ADAM11: variants seen among roughly 807,000 people sequenced by gnomAD.
ADAM11 encodes ADAM metallopeptidase domain 11.
Under a neutral mutation model 119.1 loss-of-function variants are expected in ADAM11, and 49 were observed. The ratio of observed to expected loss-of-function variants is 0.41; its 90% confidence interval spans 0.33 to 0.52. ADAM11 has a LOEUF of 0.52. Ranked by LOEUF, ADAM11 falls within the 20% of genes least tolerant of loss-of-function variation. ADAM11 has a pLI of 0.20. For missense variants in ADAM11, 777 were observed against 1,047.5 expected (o/e 0.74, Z 3.56); for synonymous variants, 364 against 408.0 (o/e 0.89, Z 1.30).
At chr17:44,774,208 G>A in intron 11 of ADAM11, 87 bp from the exon 12 acceptor site, 4 of 827,838 alleles carry the variant, frequency 4.8e-6, no homozygotes, top group Non-Finnish European at 7.3e-6. Flanking sequence ...AAGGACTCTA[G>A]TGTGAGGGGC....
chr17:44,776,604 G>T lies in ADAM11; in HGVS notation c.1567-141G>T. 9.2e-7 allele frequency: 1 copy of T among 1,090,650 alleles called. No homozygotes were observed. The highest frequency in any genetic ancestry group is 1.3e-6 in the Non-Finnish European group (1 of 769,638). The allele number at this position is 1,090,650 out of a possible 1,614,324, so 67.6% of individuals were successfully genotyped here. On this transcript the variant is annotated intron_variant, in intron 18 of 26. Transcript: ENST00000200557. This position sits in a 1 kb window ranked among gnomAD's most constrained non-coding sequence, Gnocchi z 5.2. ...TGTGGTCTGGGTCCAGAACCAGACA[G>T]ATCGCTTGTCCTAGGCGTGGAAGAG...
chr17:44,764,395 G>T (rs540932736), intron 2 of ADAM11, among the ~76,000 whole-genome samples: 2 of 152,214 alleles, frequency 1.3e-5, no homozygotes, highest in Non-Finnish European at 2.9e-5. Context: ...CCACAGGGGG[G>T]CCAGGGTCTG....
intron 2 of ADAM11, among the ~76,000 whole-genome samples, chr17:44,769,514 C>T (rs1045408233): frequency 6.6e-6 from 1 of 152,254 alleles, no homozygotes; most frequent in African/African-American, 2.4e-5. Flanking sequence ...GGGCTGAGCA[C>T]TCCTGCCTCT....
intron 2 of ADAM11, among the ~76,000 whole-genome samples, chr17:44,769,365 C>T (rs751830169): frequency 1.3e-4 from 20 of 152,200 alleles, no homozygotes; most frequent in Non-Finnish European, 1.9e-4. Flanking sequence ...TGGTGGGGTG[C>T]CCCTCACCAG....
rs1244859444 is a variant in ADAM11, at chr17:44,772,750, T to G, written c.679-107T>G. On this transcript the variant is annotated intron_variant, in intron 8 of 26. Coordinates refer to ENST00000200557, the MANE Select transcript of ADAM11 (RefSeq NM_002390.6). The surrounding 1 kb of genome is among the most constrained non-coding windows in gnomAD (Gnocchi z 4.5). The stretch of plus-strand genomic sequence containing the variant: ...GCCAGTGGGGAGCTGGCACTGTCCC[T>G]GGCTGGAGTCCAGACCCCCCCATCC... 2.5e-5 allele frequency: 26 copies of G among 1,058,758 alleles called. No individual in the cohort carries two copies. The highest frequency in any genetic ancestry group is 3.7e-5 in the Non-Finnish European group (26 of 707,142). The allele number at this position is 1,058,758 out of a possible 1,614,324, so 65.6% of individuals were successfully genotyped here.
Position 44,772,790 on chromosome 17 carries a change from C to G in ADAM11, c.679-67C>G. ...CCCCCCCATCCCCACCGAGTCTGTTCCTGGCTTGGCCATGAGATCAGTCAG... is the reference window on the plus strand; with the variant it reads ...CCCCCCCATCCCCACCGAGTCTGTTGCTGGCTTGGCCATGAGATCAGTCAG... On this transcript the variant is annotated intron_variant, in intron 8 of 26. Coordinates refer to ENST00000200557, the MANE Select transcript of ADAM11 (RefSeq NM_002390.6). The surrounding 1 kb of genome is among the most constrained non-coding windows in gnomAD (Gnocchi z 4.5). 6.8e-7 allele frequency: 1 copy of G among 1,477,838 alleles called. No homozygotes were observed. The highest frequency in any genetic ancestry group is 1.2e-5 in the South Asian group (1 of 84,854). The allele number at this position is 1,477,838 out of a possible 1,614,324, so 91.5% of individuals were successfully genotyped here.
chr17:44,775,354 G>T lies in ADAM11; in HGVS notation c.1321-40G>T, dbSNP rs199688893. 26 of 1,613,118 alleles carry T rather than the reference G, an allele frequency of 1.6e-5. No homozygotes were observed. In the South Asian group the frequency reaches 2.4e-4, roughly 15 times the overall value. ...GGGAGCATGGGAGCGGGCCCTGGGCGGGGTCCGGGCCAGACTCCCGACCTG... is the reference window on the plus strand; with the variant it reads ...GGGAGCATGGGAGCGGGCCCTGGGCTGGGTCCGGGCCAGACTCCCGACCTG... On this transcript the variant is annotated intron_variant, in intron 15 of 26. Transcript: ENST00000200557. The surrounding 1 kb of genome is among the most constrained non-coding windows in gnomAD (Gnocchi z 7.5).
Position 44,775,772 on chromosome 17 carries a change from T to C in ADAM11, c.1485+96T>C. ...GGGAGCTAGGGAGGGAAGCGGAGCC[T>C]TCGGGGACGAAGGCCTCTGGGGCAG... On this transcript the variant is annotated intron_variant, in intron 17 of 26. Transcript: ENST00000200557. This position sits in a 1 kb window ranked among gnomAD's most constrained non-coding sequence, Gnocchi z 7.5. 1 of 1,321,370 alleles carries C rather than the reference T, an allele frequency of 7.6e-7. No homozygotes were observed. Among genetic ancestry groups the C allele is most frequent in the Non-Finnish European group, 1.0e-6 (1 of 974,026 alleles). 81.9% of individuals were successfully genotyped at this position (1,321,370 alleles called of 1,614,324 possible).
In ADAM11 at chr17:44,759,730, A is replaced by G. The variant is rs1256424043; in HGVS notation, c.70A>G (p.Thr24Ala). 2 of 1,323,486 alleles carry G rather than the reference A, an allele frequency of 1.5e-6. No individual in the cohort carries two copies. Among genetic ancestry groups the G allele is most frequent in the African/African-American group, 3.0e-5 (2 of 66,462 alleles). The allele number at this position is 1,323,486 out of a possible 1,614,324, so 82.0% of individuals were successfully genotyped here. A position where few individuals can be genotyped will look rare whatever the true frequency, so the allele number is the denominator to read the frequency against. ...TGGCCTTGTTTCCCCAGGTCTTGGG[A>G]CCCAAGGTCCTGCTGGAGCTCTGCG... ...LSLLPTPGLG[T>A]QGPAGALRWG... Residue 24 changes from threonine to alanine, a missense_variant, in exon 2 of 27, where the codon ACC becomes GCC. Transcript: ENST00000200557.
chr17:44,769,226 G>A (rs2049487477), intron 2 of ADAM11, among the ~76,000 whole-genome samples: 2 of 152,196 alleles, frequency 1.3e-5, no homozygotes, highest in African/African-American at 4.8e-5. Context: ...ATTCGCCCCT[G>A]TCCGAGGCCT....
chr17:44,775,157 G>A lies in ADAM11; in HGVS notation c.1221-55G>A, dbSNP rs2049581467. The A allele has an allele frequency of 1.4e-6, 2 of 1,441,176 alleles. No individual in the cohort carries two copies. Among genetic ancestry groups the A allele is most frequent in the Non-Finnish European group, 1.9e-6 (2 of 1,026,522 alleles). 89.3% of individuals were successfully genotyped at this position (1,441,176 alleles called of 1,614,324 possible). On this transcript the variant is annotated intron_variant, in intron 14 of 26. Transcript: ENST00000200557. This position sits in a 1 kb window ranked among gnomAD's most constrained non-coding sequence, Gnocchi z 7.5. The stretch of plus-strand genomic sequence containing the variant: ...GTACCCCCTCCCCAGCCTTGAGAGG[G>A]GTGAGGGTGGGTTGGAGGGGAGCAG...
chr17:44,777,758 C>T lies in ADAM11; in HGVS notation c.1965C>T (p.Cys655=), dbSNP rs374565151. ...DLSYVEDGTA[C]GPNMLCLDHR... ...GCTATGTGGAGGATGGCACAGCCTG[C>T]GGGCCTAACATGTTGTGCCTGGACC... Residue 655 remains cysteine, a synonymous_variant, in exon 23 of 27, where the codon TGC becomes TGT. Coordinates refer to ENST00000200557, the MANE Select transcript of ADAM11 (RefSeq NM_002390.6). This position sits in a 1 kb window ranked among gnomAD's most constrained non-coding sequence, Gnocchi z 5.1. 168 of 1,613,980 alleles carry T rather than the reference C, an allele frequency of 1.0e-4. No individual in the cohort carries two copies. Among genetic ancestry groups the T allele is most frequent in the Middle Eastern group, 1.7e-4 (1 of 6,058 alleles).
chr17:44,772,288 T>C lies in ADAM11; in HGVS notation c.565T>C (p.Tyr189His). 6.5e-7 allele frequency: 1 copy of C among 1,546,336 alleles called. No homozygotes were observed. Among genetic ancestry groups the C allele is most frequent in the South Asian group, 1.1e-5 (1 of 88,864 alleles). The part of the protein sequence containing the change: ...APQGPLPHLI[Y>H]RTPLLPDPLG... ...GCAGGGACCCCTTCCCCACCTCATTTACCGGACCCCTCTCCTCCCAGATCC... is the reference window on the plus strand; with the variant it reads ...GCAGGGACCCCTTCCCCACCTCATTCACCGGACCCCTCTCCTCCCAGATCC... Residue 189 changes from tyrosine (Y) to histidine (H), a missense_variant, in exon 7 of 27, where the codon TAC (tyrosine) becomes CAC (histidine). Tyr to His is a moderately conservative substitution (Grantham distance 83). Coordinates refer to ENST00000200557, the MANE Select transcript of ADAM11 (RefSeq NM_002390.6). The surrounding 1 kb of genome is among the most constrained non-coding windows in gnomAD (Gnocchi z 4.5).
At chr17:44,774,652 G>T (rs769058453) in intron 13 of ADAM11, 46 bp from the exon 14 acceptor site, 106 of 1,596,158 alleles carry the variant, frequency 6.6e-5, no homozygotes, top group Non-Finnish European at 9.0e-5. Flanking sequence ...GACAGTGGGA[G>T]GGGTGGTCCT....
In ADAM11 at chr17:44,779,087, T is replaced by C. The variant is rs2049652690; in HGVS notation, c.2277-135T>C. 6 of 1,139,946 alleles carry C rather than the reference T, an allele frequency of 5.3e-6. No homozygotes were observed. The South Asian group carries it at 7.3e-5, about 14-fold the overall frequency. The allele number at this position is 1,139,946 out of a possible 1,614,324, so 70.6% of individuals were successfully genotyped here. A position where few individuals can be genotyped will look rare whatever the true frequency, so the allele number is the denominator to read the frequency against. On this transcript the variant is annotated intron_variant, in intron 25 of 26. Coordinates refer to ENST00000200557, the MANE Select transcript of ADAM11 (RefSeq NM_002390.6). ...GGGTAATTCTCCCTGGCCCTTACAT[T>C]AGTGTCCAGGCCCCGGGGACCCCGG...
rs779058125 is a variant in ADAM11 at position 44,771,789 on chromosome 17, C to T, written c.501C>T (p.Ile167=). 5.0e-6 allele frequency: 8 copies of T among 1,613,344 alleles called. No homozygotes were observed. The highest frequency in any genetic ancestry group is 2.2e-5 in the East Asian group (1 of 44,866). The stretch of plus-strand genomic sequence containing the variant: ...TCTCTGATGGGAACTTGACTTACAT[C>T]GTGGAGCCCCAAGAGGTGGCTGGAC... ...GVFSDGNLTY[I]VEPQEVAGPW... is the part of the protein sequence containing the mutation. Residue 167 remains isoleucine (I), a synonymous_variant, in exon 6 of 27, where the codon ATC becomes ATT. Coordinates refer to ENST00000200557, the MANE Select transcript of ADAM11 (RefSeq NM_002390.6).
chr17:44,767,101 G>A (rs945849287), intron 2 of ADAM11, among the ~76,000 whole-genome samples: 1 of 152,028 alleles, frequency 6.6e-6, no homozygotes, highest in African/African-American at 2.4e-5. Context: ...GCTCACATTT[G>A]CAATCCCAGC....
intron 2 of ADAM11, among the ~76,000 whole-genome samples, chr17:44,765,448 T>G (rs1598883700): frequency 1.3e-5 from 2 of 152,170 alleles, no homozygotes; most frequent in African/African-American, 4.8e-5. Flanking sequence ...CCTGTCACAG[T>G]AGGTGATCCA....
chr17:44,776,831 C>A lies in ADAM11; in HGVS notation c.1617+36C>A, dbSNP rs1226673207. ...TGCCCCCTGAGCCTGGGATTCAGGG[C>A]AGTCTCTTGTCTCCACTCTGACCAC... On this transcript the variant is annotated intron_variant, in intron 19 of 26. Coordinates refer to ENST00000200557, the MANE Select transcript of ADAM11 (RefSeq NM_002390.6). This position sits in a 1 kb window ranked among gnomAD's most constrained non-coding sequence, Gnocchi z 5.2. 1 of 1,613,900 alleles carries A rather than the reference C, an allele frequency of 6.2e-7. No homozygotes were observed. Among genetic ancestry groups the A allele is most frequent in the Non-Finnish European group, 8.5e-7 (1 of 1,179,778 alleles).
Sources: allele counts gnomAD v4.1 joint callset (sites outside exome capture counted in the v4.1 genomes callset), GRCh38; gene constraint gnomAD v4.1.1; non-coding constraint Gnocchi (gnomAD v3.1); transcripts MANE v1.5; gene names NCBI Gene and HGNC (gene_info 2026-07-23, HGNC 2026-07-21).